Variants in CTNNA2 observed in about 807,000 individuals in gnomAD.
CTNNA2 encodes the protein catenin alpha-2.
Under a neutral mutation model 101.0 loss-of-function variants are expected in CTNNA2, and 42 were observed. The observed-to-expected ratio is 0.42, with a 90% confidence interval of 0.32 to 0.54. The LOEUF is 0.54. Ranked by LOEUF, CTNNA2 falls within the 20% of genes least tolerant of loss-of-function variation. The pLI, the probability that CTNNA2 is intolerant of heterozygous loss-of-function variation, is 0.14. For missense variants in CTNNA2, 871 were observed against 1,223.1 expected (o/e 0.71, Z 4.29); for synonymous variants, 450 against 456.4 (o/e 0.99, Z 0.18).
intron 7 of CTNNA2, among the ~76,000 whole-genome samples, chr2:80,168,169 A>G (rs1356668149): frequency 6.6e-6 from 1 of 152,140 alleles, no homozygotes; most frequent in African/African-American, 2.4e-5. Flanking sequence ...GGAAAGGAGC[A>G]GAGGTATTTG....
At chr2:79,849,112 G>A (rs1680471498) in intron 3 of CTNNA2, among the ~76,000 whole-genome samples, 1 of 152,064 alleles carries the variant, frequency 6.6e-6, no homozygotes, top group Non-Finnish European at 1.5e-5. Flanking sequence ...CAGAGGCAGT[G>A]GCCCCATCAG....
At chr2:79,315,705 C>G (rs1558622091) in intron 3 of CTNNA2, among the ~76,000 whole-genome samples, 1 of 152,176 alleles carries the variant, frequency 6.6e-6, no homozygotes, top group East Asian at 1.9e-4. Flanking sequence ...ATGGATAGTG[C>G]TACTATGAAT....
intron 6 of CTNNA2, among the ~76,000 whole-genome samples, chr2:79,881,905 T>G (rs1229847034): frequency 1.3e-5 from 2 of 149,710 alleles, no homozygotes; most frequent in Admixed American, 1.3e-4. Context: ...ATAGAGTCGT[T>G]GGCCTTTATA....
chr2:80,477,498 C>T (rs1418573728), intron 9 of CTNNA2, among the ~76,000 whole-genome samples: 1 of 151,932 alleles, frequency 6.6e-6, no homozygotes. Flanking sequence ...ATTTTTCATC[C>T]CTCACCTCCC....
At chr2:80,194,278 A>G (rs1289572892) in intron 7 of CTNNA2, among the ~76,000 whole-genome samples, 1 of 152,236 alleles carries the variant, frequency 6.6e-6, no homozygotes, top group Non-Finnish European at 1.5e-5. Context: ...GCACATGCTG[A>G]TGCTTCAGAT....
At chr2:80,605,153 G>T (rs1321401397) in intron 16 of CTNNA2, 11 of 151,926 alleles carry the variant, frequency 7.2e-5, no homozygotes, top group Non-Finnish European at 1.6e-4. Flanking sequence ...CATTAAAAGA[G>T]TTCTCACCTT....
At chr2:79,195,247 G>C (rs1249786473) in intron 1 of CTNNA2, among the ~76,000 whole-genome samples, 1 of 152,050 alleles carries the variant, frequency 6.6e-6, no homozygotes. Context: ...TTAGTTAATT[G>C]CTCCCTCTAC....
chr2:79,190,639 C>G (rs1673841623), intron 1 of CTNNA2, among the ~76,000 whole-genome samples: 1 of 152,108 alleles, frequency 6.6e-6, no homozygotes, highest in African/African-American at 2.4e-5. Context: ...GGAGAGGAAG[C>G]AAACATTCAC....
At chr2:80,637,348 G>T (rs2149844660) in intron 18 of CTNNA2, among the ~76,000 whole-genome samples, 1 of 151,960 alleles carries the variant, frequency 6.6e-6, no homozygotes, top group Non-Finnish European at 1.5e-5. Flanking sequence ...GGTAAGTTTA[G>T]TGGTTGTTCA....
At chr2:79,552,296 T>G (rs1674155247) in intron 1 of CTNNA2, among the ~76,000 whole-genome samples, 1 of 152,140 alleles carries the variant, frequency 6.6e-6, no homozygotes, top group Non-Finnish European at 1.5e-5. Context: ...GTAATCTCCT[T>G]TGACTCCGTG....
At chr2:80,218,473 A>G (rs148288162) in intron 7 of CTNNA2, among the ~76,000 whole-genome samples, 17 of 152,364 alleles carry the variant, frequency 1.1e-4, no homozygotes, top group African/African-American at 3.4e-4. Flanking sequence ...TTATTGACCA[A>G]TGTATTAAAA....
chr2:80,128,206 G>A (rs948085131), intron 7 of CTNNA2, among the ~76,000 whole-genome samples: 3 of 152,162 alleles, frequency 2.0e-5, no homozygotes, highest in African/African-American at 4.8e-5. Flanking sequence ...CAATGCAAAG[G>A]CCAGAGCCAG....
intron 7 of CTNNA2, among the ~76,000 whole-genome samples, chr2:80,172,962 G>A (rs544481942): frequency 6.6e-6 from 1 of 152,252 alleles, no homozygotes; most frequent in East Asian, 1.9e-4. Flanking sequence ...CTTCAAATAA[G>A]GTCACATTCT....
intron 1 of CTNNA2, among the ~76,000 whole-genome samples, chr2:79,533,584 T>C (rs573765565): frequency 2.6e-5 from 4 of 152,290 alleles, no homozygotes; most frequent in African/African-American, 7.2e-5. Context: ...AATTGTGTTA[T>C]AGATGATGAG....
intron 1 of CTNNA2, chr2:79,574,264 C>G (rs1277264001): frequency 6.6e-6 from 1 of 151,914 alleles, no homozygotes; most frequent in African/African-American, 2.4e-5. Context: ...CAGGTTTGTC[C>G]TATAAGTAAA....
chr2:79,604,772 TG>T (rs1677776696), intron 1 of CTNNA2, among the ~76,000 whole-genome samples: 1 of 152,172 alleles, frequency 6.6e-6, no homozygotes, highest in African/African-American at 2.4e-5. Flanking sequence ...GGAGATAGGA[TG>T]AGACTCTTAC....
chr2:80,635,492 G>A (rs1481737082), intron 18 of CTNNA2, among the ~76,000 whole-genome samples: 1 of 152,086 alleles, frequency 6.6e-6, no homozygotes, highest in African/African-American at 2.4e-5. Context: ...TTAGGTTAAT[G>A]TAGTGAATTA....
At chr2:80,079,421 G>T (rs987616042) in intron 7 of CTNNA2, among the ~76,000 whole-genome samples, 1 of 152,146 alleles carries the variant, frequency 6.6e-6, no homozygotes, top group Non-Finnish European at 1.5e-5. Context: ...TACCATGGGA[G>T]CTCCTACTAA....
chr2:79,954,865 G>A (rs910863632), intron 7 of CTNNA2, among the ~76,000 whole-genome samples: 1 of 152,180 alleles, frequency 6.6e-6, no homozygotes, highest in Admixed American at 6.5e-5. Context: ...GTAGACAAAG[G>A]CATGAATACT....
Sources: gnomAD v4.1 joint callset for allele counts (sites outside exome capture counted in the v4.1 genomes callset) on GRCh38, gnomAD v4.1.1 for gene constraint, MANE v1.5 for transcripts, NCBI Gene and HGNC (gene_info 2026-07-23, HGNC 2026-07-21) for gene names.